CYP27C1: variants seen among roughly 807,000 people sequenced by gnomAD.
CYP27C1 encodes the protein cytochrome P450 27C1.
In CYP27C1, 29 loss-of-function variants were observed where a neutral mutation model predicts 40.6. The observed-to-expected ratio is 0.71, with a 90% confidence interval of 0.53 to 0.97. The LOEUF is 0.97. Among genes scored for constraint, CYP27C1 ranks in the 50% least tolerant of loss-of-function variants. The pLI, the probability that CYP27C1 is intolerant of heterozygous loss-of-function variation, is 0.00. For missense variants in CYP27C1, 390 were observed against 485.8 expected (o/e 0.80, Z 1.85); for synonymous variants, 198 against 186.8 (o/e 1.06, Z -0.49).
chr2:127,194,859 G>A (rs1281272438), intron 6 of CYP27C1, among the ~76,000 whole-genome samples: 2 of 77,188 alleles, frequency 2.6e-5, no homozygotes, highest in Non-Finnish European at 5.3e-5. Context: ...TTTTTTTTTT[G>A]AGACAGAGCC....
At position 127,193,129 on chromosome 2, in the gene CYP27C1, T is replaced by C. The variant is rs770096830; in HGVS notation, c.1462A>G (p.Ile488Val). 16 of 1,614,076 alleles carry C rather than the reference T, an allele frequency of 9.9e-6. No homozygotes were observed. The highest frequency in any genetic ancestry group is 1.4e-5 in the Non-Finnish European group (16 of 1,180,046). ...HGVRSCIGRR[I>V]AELEIHLVVI... is the part of the protein sequence containing the mutation. Reference sequence around the variant, plus strand: ...ACGAGGTGAATCTCCAGTTCTGCAATTCTCCGCCCTATGCAGCTGCGAACC... The same window carrying C: ...ACGAGGTGAATCTCCAGTTCTGCAACTCTCCGCCCTATGCAGCTGCGAACC... Residue 488 changes from isoleucine (I) to valine (V), a missense_variant, in exon 8 of 9, where the codon ATT becomes GTT. Transcript: ENST00000664447.
At position 127,195,895 on chromosome 2, in the gene CYP27C1, G is replaced by A. The variant is rs1682893205; in HGVS notation, c.1048-394C>T. On this transcript the variant is annotated intron_variant, in intron 5 of 8. Transcript: ENST00000664447. This position sits in a 1 kb window ranked among gnomAD's most constrained non-coding sequence, Gnocchi z 6.2. Reference sequence around the variant, plus strand: ...GGCTTGCTCGGTGTGTGCCAGAAAGGGCCTCAGGCTGCCCCCCGGCATCCC... The same window carrying A: ...GGCTTGCTCGGTGTGTGCCAGAAAGAGCCTCAGGCTGCCCCCCGGCATCCC... Among the ~76,000 whole-genome samples the A allele has an allele frequency of 6.6e-6, 1 of 152,006 alleles. No individual in the cohort carries two copies. Among genetic ancestry groups the A allele is most frequent in the African/African-American group, 2.4e-5 (1 of 41,384 alleles).
chr2:127,200,753 G>A lies in CYP27C1; in HGVS notation c.883+369C>T, dbSNP rs1208786738. Among the ~76,000 whole-genome samples, 1 of 152,066 alleles carries A rather than the reference G, an allele frequency of 6.6e-6. No homozygotes were observed. Among genetic ancestry groups the A allele is most frequent in the East Asian group, 1.9e-4 (1 of 5,174 alleles). Reference sequence around the variant, plus strand: ...AAGGTGGGTGATCACCTGAGGTCAGGAATTCAAGACCAGCCTGGCCAACAT... The same window carrying A: ...AAGGTGGGTGATCACCTGAGGTCAGAAATTCAAGACCAGCCTGGCCAACAT... On this transcript the variant is annotated intron_variant, in intron 4 of 8. Coordinates refer to ENST00000664447, the MANE Select transcript of CYP27C1 (RefSeq NM_001367502.1). The surrounding 1 kb of genome is among the most constrained non-coding windows in gnomAD (Gnocchi z 4.2).
Position 127,196,823 on chromosome 2 carries a change from A to C in CYP27C1, c.1048-1322T>G, listed in dbSNP as rs991461933. Among the ~76,000 whole-genome samples, 2 of 152,202 alleles carry C rather than the reference A, an allele frequency of 1.3e-5. No individual in the cohort carries two copies. Among genetic ancestry groups the C allele is most frequent in the Non-Finnish European group, 2.9e-5 (2 of 68,036 alleles). On this transcript the variant is annotated intron_variant, in intron 5 of 8. Transcript: ENST00000664447. This position sits in a 1 kb window ranked among gnomAD's most constrained non-coding sequence, Gnocchi z 4.5. ...TGAATGAACCTGAGTCATTCTTCTG[A>C]GTGCAGGAAGCCAGATGGAAAAGAC... is the stretch of plus-strand genomic sequence containing the variant.
At chr2:127,217,179 G>A (rs1447187092) in intron 1 of CYP27C1, among the ~76,000 whole-genome samples, 1 of 152,184 alleles carries the variant, frequency 6.6e-6, no homozygotes. Context: ...ACTTTCTGGT[G>A]GTGGGCCATG....
chr2:127,189,087 C>T (rs934340463), intron 8 of CYP27C1, among the ~76,000 whole-genome samples: 1 of 151,988 alleles, frequency 6.6e-6, no homozygotes, highest in African/African-American at 2.4e-5. Flanking sequence ...GCCATCGTGC[C>T]ACACGGTATT....
At chr2:127,204,615 A>AAGAG (rs1402508953) in intron 2 of CYP27C1, among the ~76,000 whole-genome samples, 1 of 103,622 alleles carries the variant, frequency 9.7e-6, no homozygotes, top group Admixed American at 1.1e-4. Flanking sequence ...GAAAGAAAGA[A>AAGAG]AGAAAGAAAG....
chr2:127,203,362 T>G lies in CYP27C1; in HGVS notation c.673+10A>C. On this transcript the variant is annotated intron_variant, in intron 3 of 8. Coordinates refer to ENST00000664447, the MANE Select transcript of CYP27C1 (RefSeq NM_001367502.1). ...TCTTCCCTCCTTCCCACCTGCTGAT[T>G]CCACCTCACCTTCCATTGAATATTT... 6.2e-7 allele frequency: 1 copy of G among 1,610,636 alleles called. No individual in the cohort carries two copies. Among genetic ancestry groups the G allele is most frequent in the Non-Finnish European group, 8.5e-7 (1 of 1,178,288 alleles).
At chr2:127,189,899 G>A (rs1682725904) in intron 8 of CYP27C1, among the ~76,000 whole-genome samples, 2 of 152,170 alleles carry the variant, frequency 1.3e-5, no homozygotes, top group African/African-American at 4.8e-5. Flanking sequence ...TAATCAGTCA[G>A]GCCAGCCTGT....
rs78173249 is a variant in CYP27C1 at position 127,196,445 on chromosome 2, G to C, written c.1048-944C>G. Among the ~76,000 whole-genome samples the C allele has an allele frequency of 6.6e-6, 1 of 151,522 alleles. No individual in the cohort carries two copies. Among genetic ancestry groups the C allele is most frequent in the African/African-American group, 2.4e-5 (1 of 41,190 alleles). ...TATTCTCGTAGGTCCCAAGATTTTC[G>C]CTAAAATCAATAGTATCATCTATGG... On this transcript the variant is annotated intron_variant, in intron 5 of 8. Transcript: ENST00000664447. This position sits in a 1 kb window ranked among gnomAD's most constrained non-coding sequence, Gnocchi z 4.5.
chr2:127,188,689 T>G lies in CYP27C1; in HGVS notation c.1498-1302A>C, dbSNP rs73953282. Among the ~76,000 whole-genome samples the G allele has an allele frequency of 8.3e-3, 1,267 of 152,166 alleles. 20 individuals carry two copies. Among genetic ancestry groups the G allele is most frequent in the African/African-American group, 0.029 (1,197 of 41,442 alleles). On this transcript the variant is annotated intron_variant, in intron 8 of 8. Coordinates refer to ENST00000664447, the MANE Select transcript of CYP27C1 (RefSeq NM_001367502.1). ...TTGATTCCATCTCTCATTTCTATAG[T>G]TCAAAAGCAGAACCAGCCCTGCCTC... is the stretch of plus-strand genomic sequence containing the variant.
Position 127,185,556 on chromosome 2 carries a change from G to A in CYP27C1, c.*1715C>T, listed in dbSNP as rs1682606530. On this transcript the variant is annotated 3_prime_UTR_variant, in exon 9 of 9. Coordinates refer to ENST00000664447, the MANE Select transcript of CYP27C1 (RefSeq NM_001367502.1). This position sits in a 1 kb window ranked among gnomAD's most constrained non-coding sequence, Gnocchi z 4.9. ...CTCAAAGTAATCAATCCAACACTTGGCCAGTTAATATGACCTAATTTCACA... is the reference window on the plus strand; with the variant it reads ...CTCAAAGTAATCAATCCAACACTTGACCAGTTAATATGACCTAATTTCACA... 6.6e-6 allele frequency: 1 copy of A among 152,112 alleles called. No homozygotes were observed. The highest frequency in any genetic ancestry group is 6.5e-5 in the Admixed American group (1 of 15,288). The allele number at this position is 152,112 out of a possible 1,614,324, so 9.4% of individuals were successfully genotyped here. A position where few individuals can be genotyped will look rare whatever the true frequency, so the allele number is the denominator to read the frequency against.
chr2:127,209,398 G>T lies in CYP27C1; in HGVS notation c.283-3308C>A, dbSNP rs1276416611. 6.6e-6 allele frequency among the ~76,000 whole-genome samples: 1 copy of T among 152,184 alleles called. No individual in the cohort carries two copies. Among genetic ancestry groups the T allele is most frequent in the Non-Finnish European group, 1.5e-5 (1 of 68,036 alleles). On this transcript the variant is annotated intron_variant, in intron 1 of 8. Transcript: ENST00000664447. The surrounding 1 kb of genome is among the most constrained non-coding windows in gnomAD (Gnocchi z 4.1). ...AAGACTGAAACTAGACAAACTCACA[G>T]AGATGAGAAATAATCAACAAAAAAA...
rs141440110 is a variant in CYP27C1 at position 127,191,888 on chromosome 2, G to T, written c.1497+1206C>A. Among the ~76,000 whole-genome samples the T allele has an allele frequency of 6.6e-5, 10 of 152,322 alleles. No individual in the cohort carries two copies. In the East Asian group the frequency reaches 1.7e-3, roughly 26 times the overall value. On this transcript the variant is annotated intron_variant, in intron 8 of 8. Transcript: ENST00000664447. ...GTCCCACCAGCCCCACCCCAGCAGA[G>T]TCTCATGGGCCACCTGTGCCTCCAG...
chr2:127,209,434 C>T lies in CYP27C1; in HGVS notation c.283-3344G>A, dbSNP rs190225115. Among the ~76,000 whole-genome samples the T allele has an allele frequency of 6.6e-6, 1 of 152,220 alleles. No homozygotes were observed. Among genetic ancestry groups the T allele is most frequent in the African/African-American group, 2.4e-5 (1 of 41,532 alleles). ...TAATCAACAAAAAAATGCTGAAAAC[C>T]AAAAGGCCTGAGTGCCTCTTCTCCT... is the stretch of plus-strand genomic sequence containing the variant. On this transcript the variant is annotated intron_variant, in intron 1 of 8. Transcript: ENST00000664447. The surrounding 1 kb of genome is among the most constrained non-coding windows in gnomAD (Gnocchi z 4.1).
At position 127,204,282 on chromosome 2, in the gene CYP27C1, A is replaced by G. The variant is rs1167170454; in HGVS notation, c.474-711T>C. On this transcript the variant is annotated intron_variant, in intron 2 of 8. Transcript: ENST00000664447. Reference sequence around the variant, plus strand: ...CTCCATCTCAAAAAAAAAAGAAAGAAAGAGAGAGAGAGAGAGAGAAAAGGA... The same window carrying G: ...CTCCATCTCAAAAAAAAAAGAAAGAGAGAGAGAGAGAGAGAGAGAAAAGGA... Among the ~76,000 whole-genome samples the G allele has an allele frequency of 7.8e-3, 856 of 109,310 alleles. 15 individuals carry two copies. Among genetic ancestry groups the G allele is most frequent in the African/African-American group, 0.03 (788 of 26,462 alleles). 71.7% of individuals were successfully genotyped at this position (109,310 alleles called of 152,430 possible).
At position 127,219,821 on chromosome 2, in the gene CYP27C1, G is replaced by C. The variant is rs1357078870; in HGVS notation, c.282+168C>G. Among the ~76,000 whole-genome samples, 2 of 146,880 alleles carry C rather than the reference G, an allele frequency of 1.4e-5. No homozygotes were observed. The highest frequency in any genetic ancestry group is 5.1e-5 in the African/African-American group (2 of 39,394). On this transcript the variant is annotated intron_variant, in intron 1 of 8. Transcript: ENST00000664447. The surrounding 1 kb of genome is among the most constrained non-coding windows in gnomAD (Gnocchi z 8.7). ...TGCGAACCTTAACCGGACAACCCCA[G>C]TCCAGCTCCCCCAACCCACCGCGGC...
In CYP27C1 at chr2:127,199,243, T is replaced by C. The variant is rs570538536; in HGVS notation, c.1047+133A>G. Reference sequence around the variant, plus strand: ...CAGAGGTTGCAGTGAGCCGAGACCATGCCATTGCACTCCAGCCTGGGCAAT... The same window carrying C: ...CAGAGGTTGCAGTGAGCCGAGACCACGCCATTGCACTCCAGCCTGGGCAAT... On this transcript the variant is annotated intron_variant, in intron 5 of 8. Coordinates refer to ENST00000664447, the MANE Select transcript of CYP27C1 (RefSeq NM_001367502.1). 6.5e-5 allele frequency: 77 copies of C among 1,178,586 alleles called. 1 individual carries two copies. The African/African-American group carries it at 1.1e-3, about 17-fold the overall frequency. 73.0% of individuals were successfully genotyped at this position (1,178,586 alleles called of 1,614,324 possible). A position where few individuals can be genotyped will look rare whatever the true frequency, so the allele number is the denominator to read the frequency against.
At chr2:127,204,607 A>C (rs975088649) in intron 2 of CYP27C1, among the ~76,000 whole-genome samples, 6 of 102,244 alleles carry the variant, frequency 5.9e-5, no homozygotes, top group Non-Finnish European at 8.0e-5. Flanking sequence ...GAAAGAAAGA[A>C]AGAAAGAAAG....
Sources: allele counts gnomAD v4.1 joint callset (sites outside exome capture counted in the v4.1 genomes callset), GRCh38; gene constraint gnomAD v4.1.1; non-coding constraint Gnocchi (gnomAD v3.1); transcripts MANE v1.5; gene names NCBI Gene and HGNC (gene_info 2026-07-23, HGNC 2026-07-21).